The following CFAP299 variants were observed in gnomAD, a reference collection of about 807,000 sequenced individuals.
The protein encoded by CFAP299 is cilia- and flagella-associated protein 299.
In CFAP299, 21 loss-of-function variants were observed where a neutral mutation model predicts 27.0. That is an observed-to-expected ratio of 0.78 (90% CI 0.55 to 1.12). The LOEUF is 1.12. CFAP299 is among the 50% of genes most tolerant of loss of function. The pLI is 0.00. For missense variants in CFAP299, 310 were observed against 276.6 expected (o/e 1.12, Z -0.86); for synonymous variants, 104 against 98.1 (o/e 1.06, Z -0.36).
intron 3 of CFAP299, among the ~76,000 whole-genome samples, chr4:80,779,628 G>A (rs1055078531): frequency 6.6e-6 from 1 of 151,518 alleles, no homozygotes; most frequent in African/African-American, 2.4e-5. Context: ...ACTGCAACAG[G>A]CTGTGGTCTT....
At chr4:80,579,762 A>G (rs1289848231) in intron 2 of CFAP299, among the ~76,000 whole-genome samples, 1 of 152,160 alleles carries the variant, frequency 6.6e-6, no homozygotes, top group Non-Finnish European at 1.5e-5. Flanking sequence ...AACTGACCAC[A>G]TGATACTATA....
intron 3 of CFAP299, among the ~76,000 whole-genome samples, chr4:80,731,259 G>A (rs1268173310): frequency 6.6e-6 from 1 of 152,038 alleles, no homozygotes; most frequent in Non-Finnish European, 1.5e-5. Context: ...TGGTACGAGG[G>A]GGTCCCATGT....
At chr4:80,787,077 G>C (rs1043173997) in intron 3 of CFAP299, among the ~76,000 whole-genome samples, 1 of 151,670 alleles carries the variant, frequency 6.6e-6, no homozygotes, top group Non-Finnish European at 1.5e-5. Flanking sequence ...GTTAACAACA[G>C]AATGCTCTCA....
At chr4:80,642,695 CA>C in intron 3 of CFAP299, among the ~76,000 whole-genome samples, 1 of 150,994 alleles carries the variant, frequency 6.6e-6, no homozygotes, top group Non-Finnish European at 1.5e-5. Context: ...ACCCGGGAGG[CA>C]AAGGTTGCAG....
chr4:80,799,879 T>TATAATATATAAATTATATATTATA (rs1560417763), intron 3 of CFAP299, among the ~76,000 whole-genome samples: 22 of 30,662 alleles, frequency 7.2e-4, no homozygotes, highest in Non-Finnish European at 1.1e-3. Flanking sequence ...TATATTATAT[T>TATAATATATAAATTATATATTATA]ATATAATATA....
chr4:80,495,524 A>T (rs1206740305), intron 2 of CFAP299, among the ~76,000 whole-genome samples: 1 of 152,126 alleles, frequency 6.6e-6, no homozygotes, highest in Admixed American at 6.5e-5. Context: ...GTTTATCCGC[A>T]GGTGTAGTGG....
At chr4:80,903,360 A>G (rs983821888) in intron 4 of CFAP299, among the ~76,000 whole-genome samples, 2 of 152,168 alleles carry the variant, frequency 1.3e-5, no homozygotes, top group Non-Finnish European at 2.9e-5. Context: ...TTTATTATCA[A>G]GAAAAACAAA....
intron 3 of CFAP299, among the ~76,000 whole-genome samples, chr4:80,801,548 T>TTA (rs1728605929): frequency 6.6e-6 from 1 of 152,118 alleles, no homozygotes; most frequent in Non-Finnish European, 1.5e-5. Flanking sequence ...AGGCTGTATC[T>TTA]TAAAGTATTT....
intron 2 of CFAP299, among the ~76,000 whole-genome samples, chr4:80,446,711 C>A (rs949103593): frequency 1.3e-5 from 2 of 152,168 alleles, no homozygotes; most frequent in African/African-American, 4.8e-5. Flanking sequence ...TCCCAAATTT[C>A]TGCCACCAAC....
intron 3 of CFAP299, among the ~76,000 whole-genome samples, chr4:80,659,896 A>G (rs1740751328): frequency 6.6e-6 from 1 of 152,156 alleles, no homozygotes; most frequent in African/African-American, 2.4e-5. Flanking sequence ...TGATAGAATT[A>G]TAGAGTCACT....
chr4:80,549,170 GTAAC>G (rs946331262), intron 2 of CFAP299, among the ~76,000 whole-genome samples: 12 of 151,814 alleles, frequency 7.9e-5, no homozygotes, highest in African/African-American at 2.9e-4. Flanking sequence ...AATCAAGAAA[GTAAC>G]ACACACACAC....
chr4:80,614,534 G>A (rs1050905786), intron 3 of CFAP299, among the ~76,000 whole-genome samples: 1 of 152,190 alleles, frequency 6.6e-6, no homozygotes, highest in Non-Finnish European at 1.5e-5. Flanking sequence ...GGCACTCTGC[G>A]GGGGCAGCAT....
chr4:80,639,069 C>G (rs890050800), intron 3 of CFAP299, among the ~76,000 whole-genome samples: 4 of 152,116 alleles, frequency 2.6e-5, no homozygotes, highest in African/African-American at 9.7e-5. Context: ...GCCCTGCTCT[C>G]ATGACCTCAC....
chr4:80,357,830 T>G (rs1723348345), intron 1 of CFAP299, among the ~76,000 whole-genome samples: 1 of 152,138 alleles, frequency 6.6e-6, no homozygotes, highest in Non-Finnish European at 1.5e-5. Context: ...TGTCTCAATC[T>G]CCTTCAATTC....
At chr4:80,689,051 C>A (rs1405555734) in intron 3 of CFAP299, among the ~76,000 whole-genome samples, 1 of 152,076 alleles carries the variant, frequency 6.6e-6, no homozygotes, top group Non-Finnish European at 1.5e-5. Context: ...GTGAAAAGAC[C>A]AAATATACGT....
intron 4 of CFAP299, among the ~76,000 whole-genome samples, chr4:80,883,604 A>C (rs947963974): frequency 1.3e-5 from 2 of 152,176 alleles, no homozygotes; most frequent in African/African-American, 4.8e-5. Flanking sequence ...ATGTTACATA[A>C]AGTAATAATT....
chr4:80,675,531 A>AGCTCAAAT (rs1319809827), intron 3 of CFAP299, among the ~76,000 whole-genome samples: 11 of 152,330 alleles, frequency 7.2e-5, no homozygotes, highest in Non-Finnish European at 7.3e-5. Context: ...CCGTTCTCAG[A>AGCTCAAAT]GCTCAAATGC....
intron 3 of CFAP299, among the ~76,000 whole-genome samples, chr4:80,810,663 C>A (rs928264498): frequency 6.6e-6 from 1 of 152,002 alleles, no homozygotes; most frequent in Non-Finnish European, 1.5e-5. Context: ...TACTTAGATC[C>A]TCCAGAAGGA....
intron 5 of CFAP299, among the ~76,000 whole-genome samples, chr4:80,962,047 C>G (rs949275741): frequency 6.6e-6 from 1 of 151,910 alleles, no homozygotes; most frequent in Non-Finnish European, 1.5e-5. Context: ...AGTTAAATTT[C>G]TATTGCTACT....
Sources: allele counts gnomAD v4.1 joint callset (sites outside exome capture counted in the v4.1 genomes callset), GRCh38; gene constraint gnomAD v4.1.1; transcripts MANE v1.5; gene names NCBI Gene and HGNC (gene_info 2026-07-23, HGNC 2026-07-21).